Variants in RAB1A observed in about 807,000 individuals in gnomAD.
The protein encoded by RAB1A is RAB1A, member RAS oncogene family, also known as ras-related protein Rab-1A.
A neutral mutation model predicts 26.0 loss-of-function variants in RAB1A; 2 were observed. That is an observed-to-expected ratio of 0.08 (90% CI 0.03 to 0.24). The LOEUF is 0.24. RAB1A is among the 10% of genes least tolerant of loss of function. RAB1A has a pLI of 1.00. For missense variants in RAB1A, 100 were observed against 247.0 expected (o/e 0.40, Z 3.99); for synonymous variants, 84 against 84.9 (o/e 0.99, Z 0.06).
At chr2:65,119,728 G>A (rs1192628828) in intron 1 of RAB1A, among the ~76,000 whole-genome samples, 1 of 150,884 alleles carries the variant, frequency 6.6e-6, no homozygotes, top group Non-Finnish European at 1.5e-5. Context: ...AGCTCAGCCT[G>A]GCGCAGTGGC....
chr2:65,113,983 A>C (rs1411073849), intron 1 of RAB1A: 3 of 214,640 alleles, frequency 1.4e-5, no homozygotes, highest in African/African-American at 4.6e-5. Flanking sequence ...CGTTTTATTC[A>C]ATGACTTAAC....
Position 65,087,850 on chromosome 2 carries a change from A to G in RAB1A, c.*643T>C, listed in dbSNP as rs1232315167. On this transcript the variant is annotated 3_prime_UTR_variant, in exon 6 of 6. Coordinates refer to ENST00000409784, the MANE Select transcript of RAB1A (RefSeq NM_004161.5). ...TTTCCCTTTAACCATAAGAATCAAA[A>G]CAATACTTATCACCATACAGTTTGA... The G allele has an allele frequency of 6.5e-6, 1 of 152,698 alleles. No individual in the cohort carries two copies. Among genetic ancestry groups the G allele is most frequent in the Non-Finnish European group, 1.5e-5 (1 of 68,056 alleles). The allele number at this position is 152,698 out of a possible 1,614,324, so 9.5% of individuals were successfully genotyped here. A position where few individuals can be genotyped will look rare whatever the true frequency, so the allele number is the denominator to read the frequency against.
rs76785315 is a variant in RAB1A, at chr2:65,109,288, A to T, written c.24-4482T>A. ...CAAAGAGCCAAGACTAATTTAGCAA[A>T]TGGTAAGACTTTAAATGTATTTATT... On this transcript the variant is annotated intron_variant, in intron 1 of 5. Coordinates refer to ENST00000409784, the MANE Select transcript of RAB1A (RefSeq NM_004161.5). Among the ~76,000 whole-genome samples the T allele has an allele frequency of 7.3e-3, 1,115 of 152,340 alleles. 15 individuals carry two copies. The highest frequency in any genetic ancestry group is 0.026 in the African/African-American group (1,066 of 41,580).
chr2:65,120,964 G>C (rs2103878780), intron 1 of RAB1A, among the ~76,000 whole-genome samples: 1 of 152,220 alleles, frequency 6.6e-6, no homozygotes, highest in African/African-American at 2.4e-5. Flanking sequence ...CCTATGTAAA[G>C]ACCATAGATG....
chr2:65,128,231 T>A lies in RAB1A; in HGVS notation c.23+1662A>T, dbSNP rs904634784. Among the ~76,000 whole-genome samples, 7 of 152,170 alleles carry A rather than the reference T, an allele frequency of 4.6e-5. No individual in the cohort carries two copies. In the East Asian group the frequency reaches 1.4e-3, roughly 29 times the overall value. On this transcript the variant is annotated intron_variant, in intron 1 of 5. Coordinates refer to ENST00000409784, the MANE Select transcript of RAB1A (RefSeq NM_004161.5). ...CCTATTTTACAAAAGGGAAAAAAAATTCAGAGGCTGAGTAACTTGTCAAAG... is the reference window on the plus strand; with the variant it reads ...CCTATTTTACAAAAGGGAAAAAAAAATCAGAGGCTGAGTAACTTGTCAAAG...
At chr2:65,115,644 T>G (rs568087100) in intron 1 of RAB1A, among the ~76,000 whole-genome samples, 65 of 152,288 alleles carry the variant, frequency 4.3e-4, no homozygotes, top group African/African-American at 1.5e-3. Context: ...ATGATCAATG[T>G]GACCAATTAC....
At chr2:65,101,704 T>C (rs1041324170) in intron 2 of RAB1A, among the ~76,000 whole-genome samples, 15 of 151,542 alleles carry the variant, frequency 9.9e-5, no homozygotes, top group Non-Finnish European at 1.2e-4. Flanking sequence ...GTTGAGCCTT[T>C]TTTTTTTTCC....
chr2:65,098,431 A>C (rs1669339068), intron 2 of RAB1A, among the ~76,000 whole-genome samples: 1 of 152,232 alleles, frequency 6.6e-6, no homozygotes, highest in Non-Finnish European at 1.5e-5. Flanking sequence ...TCTAATCACT[A>C]ATCAGCAAAA....
At chr2:65,108,581 T>A (rs1054375134) in intron 1 of RAB1A, among the ~76,000 whole-genome samples, 2 of 151,932 alleles carry the variant, frequency 1.3e-5, no homozygotes, top group Non-Finnish European at 2.9e-5. Flanking sequence ...CCGAAGCAGG[T>A]GGATCACCTG....
intron 2 of RAB1A, among the ~76,000 whole-genome samples, chr2:65,102,412 G>A (rs1669451615): frequency 6.6e-6 from 1 of 151,594 alleles, no homozygotes; most frequent in Non-Finnish European, 1.5e-5. Context: ...CATTAATATC[G>A]GCACTCATCA....
At chr2:65,110,864 A>C (rs1384694251) in intron 1 of RAB1A, among the ~76,000 whole-genome samples, 1 of 152,120 alleles carries the variant, frequency 6.6e-6, no homozygotes, top group East Asian at 1.9e-4. Context: ...TGAGCCCAGG[A>C]GTTTGAGGCT....
intron 1 of RAB1A, among the ~76,000 whole-genome samples, chr2:65,122,008 T>A (rs1669973317): frequency 6.6e-6 from 1 of 151,868 alleles, no homozygotes; most frequent in South Asian, 2.1e-4. Flanking sequence ...ATATAAAAAT[T>A]AGCTGGCCGT....
chr2:65,124,024 G>C (rs571424577), intron 1 of RAB1A, among the ~76,000 whole-genome samples: 10 of 152,118 alleles, frequency 6.6e-5, no homozygotes, highest in Non-Finnish European at 1.5e-4. Flanking sequence ...ATCTCACTCT[G>C]TCACCCAGGC....
At chr2:65,088,776 AGGAACTAAGTTCATT>A in intron 5 of RAB1A, 86 bp from the exon 6 acceptor site, 2 of 1,330,658 alleles carry the variant, frequency 1.5e-6, no homozygotes, top group Non-Finnish European at 2.1e-6. Flanking sequence ...ATGGAGCGTG[AGGAACTAAGTTCATT>A]GGATCCAAAC....
Position 65,125,423 on chromosome 2 carries a change from CT to C in RAB1A, c.23+4469del, listed in dbSNP as rs35048150. On this transcript the variant is annotated intron_variant, in intron 1 of 5. Transcript: ENST00000409784. ...CGAGAATAATGTTAAGTATTTCTTT[CT>C]TTTTTTTTTTTTTTTTTTGAGGAGT... Among the ~76,000 whole-genome samples, 311 of 127,264 alleles carry C rather than the reference CT, an allele frequency of 2.4e-3. 1 individual carries two copies. Among genetic ancestry groups the C allele is most frequent in the African/African-American group, 6.4e-3 (212 of 32,986 alleles). The allele number at this position is 127,264 out of a possible 152,430, so 83.5% of individuals were successfully genotyped here. A position where few individuals can be genotyped will look rare whatever the true frequency, so the allele number is the denominator to read the frequency against.
At chr2:65,093,252 C>T (rs1669211756) in intron 3 of RAB1A, among the ~76,000 whole-genome samples, 1 of 152,176 alleles carries the variant, frequency 6.6e-6, no homozygotes, top group Non-Finnish European at 1.5e-5. Flanking sequence ...ATCAGAGTAA[C>T]TTTTTCCCAT....
intron 1 of RAB1A, among the ~76,000 whole-genome samples, chr2:65,115,293 C>A (rs577080278): frequency 6.6e-6 from 1 of 152,304 alleles, no homozygotes; most frequent in South Asian, 2.1e-4. Flanking sequence ...TCCTGATATA[C>A]TGGCCAATAA....
chr2:65,126,733 C>T (rs974555885), intron 1 of RAB1A, among the ~76,000 whole-genome samples: 1 of 152,120 alleles, frequency 6.6e-6, no homozygotes, highest in Non-Finnish European at 1.5e-5. Context: ...AAGCATCCAC[C>T]CATTAAAGTT....
chr2:65,115,339 A>T (rs1485438861), intron 1 of RAB1A, among the ~76,000 whole-genome samples: 2 of 152,214 alleles, frequency 1.3e-5, no homozygotes, highest in Non-Finnish European at 2.9e-5. Flanking sequence ...ACTAAACTAC[A>T]TACTATTTTA....
Sources: gnomAD v4.1 joint callset for allele counts (sites outside exome capture counted in the v4.1 genomes callset) on GRCh38, gnomAD v4.1.1 for gene constraint, MANE v1.5 for transcripts, NCBI Gene and HGNC (gene_info 2026-07-23, HGNC 2026-07-21) for gene names.